CAMKK1: variants seen among roughly 807,000 people sequenced by gnomAD.
The protein encoded by CAMKK1 is calcium/calmodulin-dependent protein kinase kinase 1.
CAMKK1 carries 20 observed loss-of-function variants against 63.5 expected under a neutral mutation model. The ratio of observed to expected loss-of-function variants is 0.32; its 90% CI spans 0.22 to 0.46. The LOEUF is 0.46. CAMKK1 is among the 20% of genes least tolerant of loss of function. CAMKK1 has a pLI of 1.00. For synonymous variants in CAMKK1, 253 were observed against 269.0 expected, an observed-to-expected ratio of 0.94 and a Z score of 0.58; for missense variants, 588 against 658.1, an observed-to-expected ratio of 0.89 and a Z score of 1.17.
At chr17:3,866,095 G>A in intron 14 of CAMKK1, 84 bp from the exon 15 acceptor site, 1 of 1,516,716 alleles carries the variant, frequency 6.6e-7, no homozygotes, top group Non-Finnish European at 9.0e-7. Flanking sequence ...GAGAGCAGCT[G>A]CCAAGGGGGC....
At chr17:3,881,685 T>C (rs1251095632) in intron 7 of CAMKK1, 37 bp from the exon 8 acceptor site, 3 of 1,556,128 alleles carry the variant, frequency 1.9e-6, no homozygotes, top group Non-Finnish European at 2.6e-6. Context: ...TGTAGCTGGC[T>C]GGCAAAGCAG....
chr17:3,889,793 G>A lies in CAMKK1; in HGVS notation c.-44+3146C>T, dbSNP rs759107100. ...CCACTCCCAAGGAATGTGGGCCCCC[G>A]GCTCCAGACGCCCACTTGGCCTGGC... On this transcript the variant is annotated intron_variant, in intron 1 of 15. Transcript: ENST00000348335. This position sits in a 1 kb window ranked among gnomAD's most constrained non-coding sequence, Gnocchi z 5.2. 1.8e-4 allele frequency among the ~76,000 whole-genome samples: 27 copies of A among 152,028 alleles called. No individual in the cohort carries two copies. Among genetic ancestry groups the A allele is most frequent in the Non-Finnish European group, 2.5e-4 (17 of 67,990 alleles).
rs1397296662 is a variant in CAMKK1, at chr17:3,882,391, C to A, written c.685+137G>T. Reference sequence around the variant, plus strand: ...CAGGGCTGGGCAAGGGAATCCAGGGCTTCAGAACGTGTGTTTTTCTTCTGT... The same window carrying A: ...CAGGGCTGGGCAAGGGAATCCAGGGATTCAGAACGTGTGTTTTTCTTCTGT... On this transcript the variant is annotated intron_variant, in intron 7 of 15. Coordinates refer to ENST00000348335, the MANE Select transcript of CAMKK1 (RefSeq NM_032294.3). The surrounding 1 kb of genome is among the most constrained non-coding windows in gnomAD (Gnocchi z 4.3). 1 of 1,600,298 alleles carries A rather than the reference C, an allele frequency of 6.2e-7. No homozygotes were observed. The highest frequency in any genetic ancestry group is 8.6e-7 in the Non-Finnish European group (1 of 1,167,760).
intron 11 of CAMKK1, 113 bp downstream of exon 11, chr17:3,873,296 C>T (rs1463022656): frequency 1.1e-6 from 1 of 884,774 alleles, no homozygotes; most frequent in African/African-American, 1.7e-5. Flanking sequence ...CTTCTCTGAG[C>T]CAGGTGGGCT....
Position 3,882,614 on chromosome 17 carries a change from T to C in CAMKK1, c.649-50A>G. ...GGTGGGGCTTGAGGAGGCGTGGGGT[T>C]GGAGGTCCCAGGCCTCCTGGTCCTT... On this transcript the variant is annotated intron_variant, in intron 6 of 15. Coordinates refer to ENST00000348335, the MANE Select transcript of CAMKK1 (RefSeq NM_032294.3). This position sits in a 1 kb window ranked among gnomAD's most constrained non-coding sequence, Gnocchi z 4.3. The C allele has an allele frequency of 1.3e-6, 2 of 1,544,718 alleles. No homozygotes were observed. The highest frequency in any genetic ancestry group is 8.8e-7 in the Non-Finnish European group (1 of 1,135,906).
rs2055564079 is a variant in CAMKK1 at position 3,884,617 on chromosome 17, G to A, written c.361-190C>T. Among the ~76,000 whole-genome samples, 3 of 152,224 alleles carry A rather than the reference G, an allele frequency of 2.0e-5. No homozygotes were observed. The highest frequency in any genetic ancestry group is 4.4e-5 in the Non-Finnish European group (3 of 68,050). ...CCCCCGTATGTGACGAGAAGACGTG[G>A]CTCATGTTTGAAAACATGGATGGTG... On this transcript the variant is annotated intron_variant, in intron 2 of 15. Coordinates refer to ENST00000348335, the MANE Select transcript of CAMKK1 (RefSeq NM_032294.3). The surrounding 1 kb of genome is among the most constrained non-coding windows in gnomAD (Gnocchi z 4.5).
At chr17:3,880,046 C>T (rs2055338437) in intron 9 of CAMKK1, 1 of 388,876 alleles carries the variant, frequency 2.6e-6, no homozygotes, top group Non-Finnish European at 4.8e-6. Flanking sequence ...CTTGAAGCCC[C>T]GTGGCAACGC....
chr17:3,884,465 C>G lies in CAMKK1; in HGVS notation c.361-38G>C. On this transcript the variant is annotated intron_variant, in intron 2 of 15. Transcript: ENST00000348335. The surrounding 1 kb of genome is among the most constrained non-coding windows in gnomAD (Gnocchi z 4.5). ...AGCGAGCACCAGGTGGAGCTGGGTCCGGAGGCAGCACTGCTCCTACCTCAG... is the reference window on the plus strand; with the variant it reads ...AGCGAGCACCAGGTGGAGCTGGGTCGGGAGGCAGCACTGCTCCTACCTCAG... 6.2e-7 allele frequency: 1 copy of G among 1,604,838 alleles called. No individual in the cohort carries two copies. The highest frequency in any genetic ancestry group is 2.2e-5 in the East Asian group (1 of 44,786).
In CAMKK1 at chr17:3,887,252, C is replaced by A. The variant is rs997541727; in HGVS notation, c.-43-1522G>T. On this transcript the variant is annotated intron_variant, in intron 1 of 15. Coordinates refer to ENST00000348335, the MANE Select transcript of CAMKK1 (RefSeq NM_032294.3). This position sits in a 1 kb window ranked among gnomAD's most constrained non-coding sequence, Gnocchi z 6.1. ...CTTCCCATATTTTCCAGGCTCACAG[C>A]AGGGTTTGGAGGTAGACTGAGGGTA... 1.3e-5 allele frequency among the ~76,000 whole-genome samples: 2 copies of A among 152,164 alleles called. No individual in the cohort carries two copies. Among genetic ancestry groups the A allele is most frequent in the Non-Finnish European group, 2.9e-5 (2 of 68,028 alleles).
At chr17:3,880,894 A>G (rs1479079684) in intron 8 of CAMKK1, among the ~76,000 whole-genome samples, 1 of 152,162 alleles carries the variant, frequency 6.6e-6, no homozygotes, top group Non-Finnish European at 1.5e-5. Flanking sequence ...GGATAGCAAT[A>G]GAAATATATA....
chr17:3,872,612 C>A lies in CAMKK1; in HGVS notation c.1066G>T (p.Asp356Tyr). 1 of 1,613,970 alleles carries A rather than the reference C, an allele frequency of 6.2e-7. No homozygotes were observed. The highest frequency in any genetic ancestry group is 2.2e-5 in the East Asian group (1 of 44,878). The change falls in exon 12 of 16, where the codon GAT becomes TAT. Residue 356 changes from aspartate (D) to tyrosine (Y), a missense_variant. Transcript: ENST00000348335. ...TTCCTGTGGAGGGCCAGGATGAAAT[C>A]GTCGATGAATGGGCACTGTGGGGTG... is the stretch of plus-strand genomic sequence containing the variant. Reference protein sequence around the residue: ...FVYGKCPFIDDFILALHRKIK... With the variant: ...FVYGKCPFIDYFILALHRKIK...
chr17:3,875,896 A>G (rs2055128574), intron 10 of CAMKK1, among the ~76,000 whole-genome samples: 3 of 152,102 alleles, frequency 2.0e-5, no homozygotes, highest in Admixed American at 6.5e-5. Flanking sequence ...GCCATGTCCC[A>G]AGATCTGCGG....
Position 3,883,538 on chromosome 17 carries a change from C to T in CAMKK1, c.463-58G>A. On this transcript the variant is annotated intron_variant, in intron 4 of 15. Coordinates refer to ENST00000348335, the MANE Select transcript of CAMKK1 (RefSeq NM_032294.3). The surrounding 1 kb of genome is among the most constrained non-coding windows in gnomAD (Gnocchi z 4.7). ...TGCAGCCACCAGGGGCTAGAACAGG[C>T]TGGTACATGTGGACTGAGGTCCGGA... 2 of 1,389,116 alleles carry T rather than the reference C, an allele frequency of 1.4e-6. No homozygotes were observed. Among genetic ancestry groups the T allele is most frequent in the Non-Finnish European group, 2.1e-6 (2 of 975,182 alleles). The allele number at this position is 1,389,116 out of a possible 1,614,324, so 86.0% of individuals were successfully genotyped here.
intron 12 of CAMKK1, among the ~76,000 whole-genome samples, chr17:3,870,530 T>G (rs902984067): frequency 1.3e-5 from 2 of 152,076 alleles, no homozygotes; most frequent in African/African-American, 4.8e-5. Context: ...CGTGCCCGGC[T>G]AATTTTTTGT....
intron 12 of CAMKK1, among the ~76,000 whole-genome samples, chr17:3,871,545 A>AC (rs759362101): frequency 6.8e-6 from 1 of 147,210 alleles, no homozygotes; most frequent in East Asian, 2.0e-4. Flanking sequence ...TTTAGTAGAG[A>AC]TGGGGTTTCA....
chr17:3,880,192 G>T, intron 9 of CAMKK1, 154 bp downstream of exon 9: 487 of 505,274 alleles, frequency 9.6e-4, no homozygotes, highest in Middle Eastern at 1.2e-3. Flanking sequence ...AAAGGCCTTT[G>T]GCCCCGCCAC....
In CAMKK1 at chr17:3,865,301, A is replaced by T. The variant is rs888312424; in HGVS notation, c.1445+607T>A. On this transcript the variant is annotated intron_variant, in intron 15 of 15. Transcript: ENST00000348335. ...GGCTCACCATAGGGAGCCCTCGGCCAATGCGGGTTCCTCTCCCGTGGTCCA... is the reference window on the plus strand; with the variant it reads ...GGCTCACCATAGGGAGCCCTCGGCCTATGCGGGTTCCTCTCCCGTGGTCCA... 4.1e-6 allele frequency: 4 copies of T among 986,830 alleles called. No homozygotes were observed. In the African/African-American group the frequency reaches 7.0e-5, roughly 17 times the overall value. The allele number at this position is 986,830 out of a possible 1,614,324, so 61.1% of individuals were successfully genotyped here.
At chr17:3,868,233 T>C (rs1470954600) in intron 14 of CAMKK1, among the ~76,000 whole-genome samples, 2 of 102,598 alleles carry the variant, frequency 1.9e-5, no homozygotes, top group African/African-American at 3.5e-5. Context: ...GCAGGCGCCG[T>C]CTAACTGATA....
Position 3,884,273 on chromosome 17 carries a change from C to G in CAMKK1, c.408+107G>C. ...GCACGAAACTGTCCTCACCTCCAGGCTAGGACTTGCCTGGCTCTGCCTCCC... is the reference window on the plus strand; with the variant it reads ...GCACGAAACTGTCCTCACCTCCAGGGTAGGACTTGCCTGGCTCTGCCTCCC... On this transcript the variant is annotated intron_variant, in intron 3 of 15. Coordinates refer to ENST00000348335, the MANE Select transcript of CAMKK1 (RefSeq NM_032294.3). This position sits in a 1 kb window ranked among gnomAD's most constrained non-coding sequence, Gnocchi z 4.5. 7.9e-7 allele frequency: 1 copy of G among 1,259,878 alleles called. No homozygotes were observed. The highest frequency in any genetic ancestry group is 1.2e-6 in the Non-Finnish European group (1 of 867,414). The allele number at this position is 1,259,878 out of a possible 1,614,324, so 78.0% of individuals were successfully genotyped here.
Sources: allele counts gnomAD v4.1 joint callset (sites outside exome capture counted in the v4.1 genomes callset), GRCh38; gene constraint gnomAD v4.1.1; non-coding constraint Gnocchi (gnomAD v3.1); transcripts MANE v1.5; gene names NCBI Gene and HGNC (gene_info 2026-07-23, HGNC 2026-07-21).